Variants in CCDC171 observed in about 807,000 individuals in gnomAD.
CCDC171 encodes coiled-coil domain-containing protein 171.
CCDC171 carries 177 observed loss-of-function variants against 168.2 expected under a neutral mutation model. That is an observed-to-expected ratio of 1.05 (90% CI 0.93 to 1.19). The LOEUF is 1.19. Among genes scored for constraint, CCDC171 ranks in the 50% most tolerant of loss-of-function variants. The pLI is 0.00. For synonymous variants in CCDC171, 687 were observed against 540.8 expected (o/e 1.27, Z -3.75); for missense variants, 1,991 against 1,539.0 (o/e 1.29, Z -4.91).
At chr9:15,681,152 C>G (rs948226817) in intron 10 of CCDC171, among the ~76,000 whole-genome samples, 87 of 152,182 alleles carry the variant, frequency 5.7e-4, no homozygotes, top group Non-Finnish European at 4.4e-5. Flanking sequence ...CGTCTGCACT[C>G]GTTGTATTCA....
At chr9:15,698,071 A>ACCC (rs1564233969) in intron 11 of CCDC171, among the ~76,000 whole-genome samples, 3 of 151,724 alleles carry the variant, frequency 2.0e-5, no homozygotes, top group East Asian at 1.9e-4. Context: ...GTAGAGTTCA[A>ACCC]TACTGTGCTA....
chr9:15,710,027 C>G (rs184803714), intron 11 of CCDC171, among the ~76,000 whole-genome samples: 2 of 152,046 alleles, frequency 1.3e-5, no homozygotes, highest in African/African-American at 4.8e-5. Context: ...CTGTATAATA[C>G]AGATATCTGC....
At chr9:15,768,761 T>C (rs1369037614) in intron 18 of CCDC171, among the ~76,000 whole-genome samples, 2 of 152,090 alleles carry the variant, frequency 1.3e-5, no homozygotes, top group African/African-American at 4.8e-5. Context: ...TCCCCCTCAC[T>C]TATTATTTTA....
intron 24 of CCDC171, among the ~76,000 whole-genome samples, chr9:15,896,813 A>G (rs1820971350): frequency 6.6e-6 from 1 of 152,088 alleles, no homozygotes; most frequent in African/African-American, 2.4e-5. Flanking sequence ...ACCAGTCTAT[A>G]AAGGAATAAA....
chr9:15,560,363 C>A (rs529280538), intron 1 of CCDC171, among the ~76,000 whole-genome samples: 2 of 152,260 alleles, frequency 1.3e-5, no homozygotes, highest in African/African-American at 4.8e-5. Flanking sequence ...TTCAGGTACA[C>A]CAATCAGACG....
At chr9:15,560,938 TC>T (rs2039249676) in intron 1 of CCDC171, among the ~76,000 whole-genome samples, 1 of 152,278 alleles carries the variant, frequency 6.6e-6, no homozygotes, top group East Asian at 1.9e-4. Flanking sequence ...TCGTTTTCCT[TC>T]TAACAGTCAG....
At chr9:16,039,269 C>G (rs895162991), upstream of CCDC171, among the ~76,000 whole-genome samples, 1 of 152,166 alleles carries the variant, frequency 6.6e-6, no homozygotes, top group Non-Finnish European at 1.5e-5. Context: ...GCAGGACTCC[C>G]TCATGTGGCT....
intron 24 of CCDC171, among the ~76,000 whole-genome samples, chr9:15,912,833 ATT>A (rs1823906519): frequency 6.6e-6 from 1 of 152,166 alleles, no homozygotes; most frequent in African/African-American, 2.4e-5. Flanking sequence ...TATGTGATGG[ATT>A]ACATTTATTG....
chr9:15,810,594 CG>C (rs1312538704), intron 21 of CCDC171, among the ~76,000 whole-genome samples: 2 of 152,142 alleles, frequency 1.3e-5, no homozygotes, highest in African/African-American at 4.8e-5. Flanking sequence ...ACGGTGCGGG[CG>C]GGCCGGCAGT....
At chr9:16,062,371 G>A (rs1369871478), downstream of CCDC171, among the ~76,000 whole-genome samples, 1 of 152,120 alleles carries the variant, frequency 6.6e-6, no homozygotes, top group African/African-American at 2.4e-5. Flanking sequence ...GGACACAAAG[G>A]AGGGAATGAT....
chr9:15,898,694 T>C (rs1187742394), intron 24 of CCDC171, among the ~76,000 whole-genome samples: 1 of 152,212 alleles, frequency 6.6e-6, no homozygotes, highest in African/African-American at 2.4e-5. Flanking sequence ...TTTGCTTTTT[T>C]ACCCTTTTAT....
At chr9:15,935,746 A>G (rs1255067067) in intron 25 of CCDC171, among the ~76,000 whole-genome samples, 1 of 152,038 alleles carries the variant, frequency 6.6e-6, no homozygotes, top group Non-Finnish European at 1.5e-5. Flanking sequence ...TTGATACTTA[A>G]TATGTTAGGA....
At chr9:15,698,165 C>G (rs1295965210) in intron 11 of CCDC171, among the ~76,000 whole-genome samples, 1 of 152,176 alleles carries the variant, frequency 6.6e-6, no homozygotes, top group African/African-American at 2.4e-5. Context: ...CACACTGCCA[C>G]TAGTAACCAC....
intron 23 of CCDC171, among the ~76,000 whole-genome samples, chr9:15,871,896 CT>C (rs2062054644): frequency 6.6e-6 from 1 of 151,928 alleles, no homozygotes; most frequent in Non-Finnish European, 1.5e-5. Flanking sequence ...CAACATGATG[CT>C]TTCACTCCCT....
chr9:16,030,380 T>A (rs1833346583), intron 6 of CCDC171, among the ~76,000 whole-genome samples: 1 of 152,238 alleles, frequency 6.6e-6, no homozygotes, highest in South Asian at 2.1e-4. Context: ...TCATATTTAG[T>A]TATGTACATA....
chr9:15,596,723 AATTACCTTGGGCAGT>A (rs1188962886), intron 6 of CCDC171, among the ~76,000 whole-genome samples: 8 of 151,730 alleles, frequency 5.3e-5, no homozygotes, highest in African/African-American at 1.9e-4. Context: ...TGAATCTATA[AATTACCTTGGGCAGT>A]ATGGCCATTT....
intron 18 of CCDC171, among the ~76,000 whole-genome samples, chr9:15,755,465 C>T (rs1387999629): frequency 1.3e-5 from 2 of 152,168 alleles, no homozygotes; most frequent in Admixed American, 6.5e-5. Context: ...TACATTCATA[C>T]AAACACAAAC....
intron 21 of CCDC171, among the ~76,000 whole-genome samples, chr9:15,810,557 C>T (rs1049644960): frequency 5.3e-5 from 8 of 152,272 alleles, no homozygotes; most frequent in South Asian, 2.1e-4. Context: ...TGTGAGGAGG[C>T]GGCTGAGGCC....
intron 11 of CCDC171, among the ~76,000 whole-genome samples, chr9:15,709,852 A>AT (rs2052525240): frequency 6.6e-6 from 1 of 152,122 alleles, no homozygotes; most frequent in African/African-American, 2.4e-5. Flanking sequence ...TTTTTTTATG[A>AT]AAAATTTCAA....
Sources: gnomAD v4.1 joint callset for allele counts (sites outside exome capture counted in the v4.1 genomes callset) on GRCh38, gnomAD v4.1.1 for gene constraint, MANE v1.5 for transcripts, NCBI Gene and HGNC (gene_info 2026-07-23, HGNC 2026-07-21) for gene names.